TLL1: variants seen among roughly 807,000 people sequenced by gnomAD.
TLL1 encodes the protein tolloid like 1.
TLL1 carries 49 observed loss-of-function variants against 128.2 expected under a neutral mutation model. That is an observed-to-expected ratio of 0.38 (90% confidence interval 0.30 to 0.48). TLL1 has a LOEUF of 0.48. Among genes scored for constraint, TLL1 ranks in the 20% least tolerant of loss-of-function variants. TLL1 has a pLI of 0.96. For synonymous variants in TLL1, 454 were observed against 418.8 expected (o/e 1.08, Z -1.03); for missense variants, 1,123 against 1,242.0 (o/e 0.90, Z 1.44).
chr4:166,046,557 A>G (rs1739467742), intron 12 of TLL1, among the ~76,000 whole-genome samples: 1 of 152,200 alleles, frequency 6.6e-6, no homozygotes, highest in African/African-American at 2.4e-5. Flanking sequence ...CCTAAAATTA[A>G]TATTTGCAGT....
At chr4:166,099,626 C>CAAAAA in intron 20 of TLL1, 99 bp downstream of exon 20, 5 of 960,972 alleles carry the variant, frequency 5.2e-6, no homozygotes, top group South Asian at 1.6e-5. Context: ...ATGCTTTTTG[C>CAAAAA]AAAAAAAAAA....
intron 9 of TLL1, 119 bp downstream of exon 9, chr4:166,025,550 A>C (rs1301285858): frequency 1.2e-6 from 1 of 815,164 alleles, no homozygotes; most frequent in East Asian, 2.7e-5. Flanking sequence ...TGGACTAAAA[A>C]GTTCAGAAAA....
intron 9 of TLL1, among the ~76,000 whole-genome samples, chr4:166,032,777 A>G (rs1414385149): frequency 6.6e-6 from 1 of 152,146 alleles, no homozygotes; most frequent in East Asian, 1.9e-4. Context: ...ATCCACGTAA[A>G]GTTGTTTTTA....
intron 12 of TLL1, among the ~76,000 whole-genome samples, chr4:166,053,683 G>A (rs146985408): frequency 3.9e-5 from 6 of 152,216 alleles, no homozygotes; most frequent in African/African-American, 9.6e-5. Flanking sequence ...AGTTTCATGC[G>A]TTCAAGTTGC....
chr4:165,945,428 A>G (rs112704943), intron 1 of TLL1, among the ~76,000 whole-genome samples: 3 of 152,294 alleles, frequency 2.0e-5, no homozygotes, highest in African/African-American at 7.2e-5. Flanking sequence ...GAAGTTGTCT[A>G]GTAGAGAGAG....
intron 7 of TLL1, among the ~76,000 whole-genome samples, chr4:166,008,581 T>A (rs1249118256): frequency 6.6e-6 from 1 of 151,552 alleles, no homozygotes; most frequent in Non-Finnish European, 1.5e-5. Context: ...CCTCATATAA[T>A]TTAGAATTAT....
intron 18 of TLL1, among the ~76,000 whole-genome samples, chr4:166,087,729 C>G (rs1741588598): frequency 6.6e-6 from 1 of 152,178 alleles, no homozygotes; most frequent in Non-Finnish European, 1.5e-5. Context: ...AAAAGAACCT[C>G]TACAGATGTT....
At chr4:166,078,938 T>C (rs1741160342) in intron 18 of TLL1, among the ~76,000 whole-genome samples, 1 of 152,158 alleles carries the variant, frequency 6.6e-6, no homozygotes. Context: ...TCAGTGAATA[T>C]TATTGGCCAA....
chr4:165,992,982 T>C, intron 3 of TLL1, 98 bp downstream of exon 3: 3 of 994,994 alleles, frequency 3.0e-6, no homozygotes, highest in Non-Finnish European at 4.7e-6. Flanking sequence ...GCCATTATGA[T>C]GTGAAGTATG....
chr4:165,992,747 T>C, intron 2 of TLL1, 57 bp from the exon 3 acceptor site: 5 of 1,514,660 alleles, frequency 3.3e-6, no homozygotes, highest in Non-Finnish European at 4.6e-6. Flanking sequence ...GACTGTTTTT[T>C]ATTTGCAAGA....
intron 1 of TLL1, among the ~76,000 whole-genome samples, chr4:165,900,704 A>G (rs915803902): frequency 1.3e-5 from 2 of 152,160 alleles, no homozygotes; most frequent in African/African-American, 4.8e-5. Context: ...AAATCTGACA[A>G]TTATGTGTAT....
At chr4:166,018,391 C>T (rs1475813977) in intron 8 of TLL1, among the ~76,000 whole-genome samples, 1 of 152,056 alleles carries the variant, frequency 6.6e-6, no homozygotes, top group African/African-American at 2.4e-5. Flanking sequence ...GGACATTGGC[C>T]TTGGGAAATA....
intron 2 of TLL1, among the ~76,000 whole-genome samples, chr4:165,991,198 T>C (rs1736622820): frequency 6.6e-6 from 1 of 152,170 alleles, no homozygotes; most frequent in South Asian, 2.1e-4. Flanking sequence ...TTTTATTTAT[T>C]GTTAAACTCT....
In TLL1 at chr4:166,074,905, G is replaced by C. The variant is rs757651963; in HGVS notation, c.2216G>C (p.Gly739Ala). The stretch of plus-strand genomic sequence containing the variant: ...AAAGATGAATGCTCTAAGGATAATG[G>C]TGGATGTCAGCACGAATGTGTCAAC... ...SDKDECSKDNGGCQHECVNTM... is the reference protein window; with the variant it reads ...SDKDECSKDNAGCQHECVNTM... Residue 739 changes from glycine to alanine, a missense_variant, in exon 17 of 21, where the codon GGT (glycine) becomes GCT (alanine). This residue lies in a region of TLL1 where 634 missense variants were observed against 672.4 expected (regional missense o/e 0.94). Transcript: ENST00000061240. 28 of 1,613,450 alleles carry C rather than the reference G, an allele frequency of 1.7e-5. No homozygotes were observed. Among genetic ancestry groups the C allele is most frequent in the Non-Finnish European group, 2.3e-5 (27 of 1,179,644 alleles).
intron 1 of TLL1, among the ~76,000 whole-genome samples, chr4:165,978,069 A>G (rs1161492728): frequency 3.9e-5 from 6 of 152,058 alleles, no homozygotes; most frequent in Admixed American, 3.3e-4. Flanking sequence ...AGCTTACACA[A>G]TTTTTCCTAA....
intron 10 of TLL1, among the ~76,000 whole-genome samples, chr4:166,039,929 A>G (rs1301764150): frequency 2.0e-5 from 3 of 152,112 alleles, no homozygotes; most frequent in Admixed American, 6.6e-5. Context: ...AGATGTCACA[A>G]TTTTGCTTCT....
chr4:165,939,932 G>A (rs72972207), intron 1 of TLL1, among the ~76,000 whole-genome samples: 5,452 of 151,916 alleles, frequency 0.036, 294 homozygotes, highest in African/African-American at 0.12. Flanking sequence ...TTTTCGTGCT[G>A]GAATTTTCTT....
intron 16 of TLL1, among the ~76,000 whole-genome samples, chr4:166,071,882 A>G (rs1433123039): frequency 2.6e-5 from 4 of 152,126 alleles, no homozygotes; most frequent in African/African-American, 9.6e-5. Flanking sequence ...TCCCGTTCAA[A>G]CAAGTGGTTT....
intron 1 of TLL1, among the ~76,000 whole-genome samples, chr4:165,962,978 C>T (rs569418355): frequency 2.7e-4 from 38 of 141,732 alleles, no homozygotes; most frequent in Non-Finnish European, 4.5e-4. Flanking sequence ...ACACTTGAAC[C>T]GAGGAGGCGG....
Sources: allele counts gnomAD v4.1 joint callset (sites outside exome capture counted in the v4.1 genomes callset), GRCh38; gene constraint gnomAD v4.1.1; regional missense constraint gnomAD v4.1.1; transcripts MANE v1.5; gene names NCBI Gene and HGNC (gene_info 2026-07-23, HGNC 2026-07-21).